CNTN6: variants seen among roughly 807,000 people sequenced by gnomAD.
CNTN6 encodes the protein contactin 6.
Under a neutral mutation model 122.8 loss-of-function variants are expected in CNTN6, and 137 were observed. The ratio of observed to expected loss-of-function variants is 1.12; its 90% CI spans 0.97 to 1.29. CNTN6 has a LOEUF of 1.29. CNTN6 is among the 50% of genes most tolerant of loss of function. The pLI, the probability that CNTN6 is intolerant of heterozygous loss-of-function variation, is 0.00. For synonymous variants in CNTN6, 570 were observed against 426.0 expected, an observed-to-expected ratio of 1.34 and a Z score of -4.16; for missense variants, 1,634 against 1,223.4, an observed-to-expected ratio of 1.34 and a Z score of -5.01.
rs76366034 is a variant in CNTN6, at chr3:1,321,956, G to A, written c.946+122G>A. On this transcript the variant is annotated intron_variant, in intron 8 of 22. Transcript: ENST00000446702. Reference sequence around the variant, plus strand: ...GGAGAAATAAGGAAGGCATATTTCCGGGTTTAGATGCTTAACACAATGATT... The same window carrying A: ...GGAGAAATAAGGAAGGCATATTTCCAGGTTTAGATGCTTAACACAATGATT... The A allele has an allele frequency of 3.1e-3, 2,403 of 778,468 alleles. 44 individuals carry two copies. In the African/African-American group the frequency reaches 0.039, roughly 12 times the overall value. 48.2% of individuals were successfully genotyped at this position (778,468 alleles called of 1,614,324 possible).
intron 7 of CNTN6, among the ~76,000 whole-genome samples, chr3:1,306,273 C>G (rs927793315): frequency 2.0e-5 from 3 of 152,106 alleles, no homozygotes; most frequent in Admixed American, 2.0e-4. Context: ...ATGGCTTTTT[C>G]TATAACACGA....
chr3:1,401,403 T>G (rs765960690), intron 20 of CNTN6, 30 bp from the exon 21 acceptor site: 2 of 1,559,262 alleles, frequency 1.3e-6, no homozygotes, highest in Non-Finnish European at 1.8e-6. Context: ...TAATTAACAT[T>G]CATTTGGATC....
chr3:1,265,546 A>G (rs1176496674), intron 4 of CNTN6, among the ~76,000 whole-genome samples: 1 of 152,210 alleles, frequency 6.6e-6, no homozygotes, highest in Non-Finnish European at 1.5e-5. Context: ...GTTTGTAACA[A>G]AATGTTTGTA....
chr3:1,120,729 T>A (rs1437832029), intron 1 of CNTN6, among the ~76,000 whole-genome samples: 1 of 151,908 alleles, frequency 6.6e-6, no homozygotes, highest in African/African-American at 2.4e-5. Context: ...TTCTCCTATG[T>A]TTCCTTCCAG....
intron 3 of CNTN6, among the ~76,000 whole-genome samples, chr3:1,227,364 C>T (rs1177394496): frequency 6.6e-6 from 1 of 152,062 alleles, no homozygotes. Context: ...TGTTATCAGC[C>T]CTGAATTGGC....
chr3:1,366,057 G>C (rs1444120870), intron 12 of CNTN6, among the ~76,000 whole-genome samples: 1 of 152,052 alleles, frequency 6.6e-6, no homozygotes, highest in Non-Finnish European at 1.5e-5. Context: ...CTGATGAAAG[G>C]ACGTATTCAA....
At chr3:1,129,944 T>C (rs1177504790) in intron 1 of CNTN6, among the ~76,000 whole-genome samples, 1 of 152,106 alleles carries the variant, frequency 6.6e-6, no homozygotes, top group Non-Finnish European at 1.5e-5. Context: ...TCCTTTTGAA[T>C]AGATACATAC....
At chr3:1,378,248 G>A (rs916591226) in intron 17 of CNTN6, among the ~76,000 whole-genome samples, 3 of 152,094 alleles carry the variant, frequency 2.0e-5, no homozygotes, top group African/African-American at 2.4e-5. Flanking sequence ...CTCTGCCACC[G>A]TGGGCTGTCT....
intron 5 of CNTN6, among the ~76,000 whole-genome samples, chr3:1,282,883 G>T (rs1303200953): frequency 6.6e-6 from 1 of 152,134 alleles, no homozygotes; most frequent in Non-Finnish European, 1.5e-5. Flanking sequence ...AAATTTACTA[G>T]TTGGCCAAAC....
At position 1,266,541 on chromosome 3, in the gene CNTN6, C is replaced by G. The variant is rs1039125129; in HGVS notation, c.359-11872C>G. Among the ~76,000 whole-genome samples, 3 of 152,190 alleles carry G rather than the reference C, an allele frequency of 2.0e-5. No homozygotes were observed. The East Asian group carries it at 5.8e-4, about 29-fold the overall frequency. ...GAGCATTAAGACCTTTACCCAGGAG[C>G]TCTGTCCCATTACCTCCAAAACTCG... is the stretch of plus-strand genomic sequence containing the variant. On this transcript the variant is annotated intron_variant, in intron 4 of 22. Transcript: ENST00000446702.
intron 1 of CNTN6, among the ~76,000 whole-genome samples, chr3:1,115,440 A>G (rs1345975702): frequency 6.6e-6 from 1 of 152,200 alleles, no homozygotes; most frequent in African/African-American, 2.4e-5. Flanking sequence ...TTCAATCATA[A>G]AAGGGAAGCT....
chr3:1,309,661 C>A (rs574982903), intron 7 of CNTN6, among the ~76,000 whole-genome samples: 16 of 152,154 alleles, frequency 1.1e-4, no homozygotes, highest in Admixed American at 3.3e-4. Context: ...TTGTCTATAT[C>A]CATGAAATAG....
At chr3:1,143,561 C>T (rs2092660646) in intron 1 of CNTN6, among the ~76,000 whole-genome samples, 1 of 152,146 alleles carries the variant, frequency 6.6e-6, no homozygotes, top group Non-Finnish European at 1.5e-5. Flanking sequence ...AGAAATTTTA[C>T]TCACTGAATA....
rs141444987 is a variant in CNTN6 at position 1,233,007 on chromosome 3, G to A, written c.358+5014G>A. Among the ~76,000 whole-genome samples the A allele has an allele frequency of 7.9e-3, 1,197 of 152,292 alleles. 15 individuals are homozygous for A. The highest frequency in any genetic ancestry group is 0.027 in the African/African-American group (1,135 of 41,564). ...AGACCTGAGAACTGAAATGCAGAAAGCTAGGGATCAGAAATGACTGGTTTT... is the reference window on the plus strand; with the variant it reads ...AGACCTGAGAACTGAAATGCAGAAAACTAGGGATCAGAAATGACTGGTTTT... On this transcript the variant is annotated intron_variant, in intron 4 of 22. Coordinates refer to ENST00000446702, the MANE Select transcript of CNTN6 (RefSeq NM_001289080.2).
chr3:1,388,532 C>A (rs1286300824), intron 20 of CNTN6, among the ~76,000 whole-genome samples: 6 of 151,346 alleles, frequency 4.0e-5, no homozygotes, highest in Non-Finnish European at 7.4e-5. Context: ...GAACGCAGTT[C>A]CTCACCAGCA....
rs779021842 is a variant in CNTN6, at chr3:1,383,151, G to T, written c.2376G>T (p.Val792=). The T allele has an allele frequency of 6.2e-7, 1 of 1,613,740 alleles. No homozygotes were observed. Residue 792 remains valine, a synonymous_variant, in exon 18 of 23, where the codon GTG becomes GTT. Coordinates refer to ENST00000446702, the MANE Select transcript of CNTN6 (RefSeq NM_001289080.2). The stretch of plus-strand genomic sequence containing the variant: ...AAGGAGAAGGATCCCTGAGTACTGT[G>T]ACCATTGTCTACTCTGGGGAAGATG... ...NNEGEGSLST[V]TIVYSGEDEP...
At chr3:1,210,284 A>AT (rs1174384899) in intron 2 of CNTN6, among the ~76,000 whole-genome samples, 2 of 151,858 alleles carry the variant, frequency 1.3e-5, no homozygotes, top group Non-Finnish European at 2.9e-5. Context: ...TTCTCTAAGT[A>AT]TTTTTTCTAT....
At chr3:1,291,133 A>G (rs188392545) in intron 5 of CNTN6, among the ~76,000 whole-genome samples, 8 of 152,300 alleles carry the variant, frequency 5.3e-5, no homozygotes, top group Non-Finnish European at 1.0e-4. Context: ...CCCACATGTT[A>G]TGAATACAAT....
At chr3:1,197,251 G>A (rs910410988) in intron 2 of CNTN6, among the ~76,000 whole-genome samples, 3 of 152,154 alleles carry the variant, frequency 2.0e-5, no homozygotes, top group African/African-American at 4.8e-5. Flanking sequence ...CCTGGTTTCT[G>A]ATTAATCTTT....
Sources: gnomAD v4.1 joint callset for allele counts (sites outside exome capture counted in the v4.1 genomes callset) on GRCh38, gnomAD v4.1.1 for gene constraint, MANE v1.5 for transcripts, NCBI Gene and HGNC (gene_info 2026-07-23, HGNC 2026-07-21) for gene names.